The following HEXIM2 variants were observed in gnomAD, a reference collection of about 807,000 sequenced individuals.
The protein encoded by HEXIM2 is HEXIM P-TEFb complex subunit 2, also known as protein HEXIM2.
For synonymous variants in HEXIM2, 159 were observed against 162.7 expected (o/e 0.98, Z 0.17); for missense variants, 413 against 390.8 (o/e 1.06, Z -0.48).
At chr17:45,163,775 G>A (rs1165365476) in intron 3 of HEXIM2, among the ~76,000 whole-genome samples, 1 of 151,848 alleles carries the variant, frequency 6.6e-6, no homozygotes, top group African/African-American at 2.4e-5. Context: ...CTTGAACCCA[G>A]GATGCAGAGG....
In HEXIM2 at chr17:45,162,888, G is replaced by A. The variant is rs145426557; in HGVS notation, c.66+29G>A. 23 of 1,424,524 alleles carry A rather than the reference G, an allele frequency of 1.6e-5. No homozygotes were observed. The African/African-American group carries it at 2.8e-4, about 17-fold the overall frequency. 88.2% of individuals were successfully genotyped at this position (1,424,524 alleles called of 1,614,324 possible). A position where few individuals can be genotyped will look rare whatever the true frequency, so the allele number is the denominator to read the frequency against. On this transcript the variant is annotated intron_variant, in intron 3 of 3. Coordinates refer to ENST00000589230, the MANE Select transcript of HEXIM2 (RefSeq NM_001303441.2). Reference sequence around the variant, plus strand: ...AGTCCCTGCCCTCCTGCCCACCCAAGCACCACGAGCACGGGTCCCACAGCT... The same window carrying A: ...AGTCCCTGCCCTCCTGCCCACCCAAACACCACGAGCACGGGTCCCACAGCT...
chr17:45,169,909 G>GAGA lies in HEXIM2; in HGVS notation c.*100_*101insAGA. 1.0e-6 allele frequency: 1 copy of GAGA among 992,124 alleles called. No homozygotes were observed. Among genetic ancestry groups the GAGA allele is most frequent in the Non-Finnish European group, 1.4e-6 (1 of 712,194 alleles). 61.5% of individuals were successfully genotyped at this position (992,124 alleles called of 1,614,324 possible). On this transcript the variant is annotated 3_prime_UTR_variant, in exon 4 of 4. Transcript: ENST00000589230. Reference sequence around the variant, plus strand: ...AGGCAGGTGGCAGATGAAAACCACCGTCAACACCCTGTGCGCCCTGAGAAC... The same window carrying GAGA: ...AGGCAGGTGGCAGATGAAAACCACCGAGATCAACACCCTGTGCGCCCTGAGAAC...
chr17:45,169,235 C>G lies in HEXIM2; in HGVS notation c.287C>G (p.Ser96Trp). ...LARKKHRRRP[S>W]KRKRHWRPYL... ...CGGAAGAAACACCGTCGGCGGCCATCGAAGCGCAAAAGGCACTGGCGACCC... is the reference window on the plus strand; with the variant it reads ...CGGAAGAAACACCGTCGGCGGCCATGGAAGCGCAAAAGGCACTGGCGACCC... The change falls in exon 4 of 4, where the codon TCG becomes TGG. Residue 96 changes from serine (S) to tryptophan (W), a missense_variant. Transcript: ENST00000589230. 1.2e-6 allele frequency: 2 copies of G among 1,613,650 alleles called. No individual in the cohort carries two copies. Among genetic ancestry groups the G allele is most frequent in the South Asian group, 2.2e-5 (2 of 91,088 alleles).
chr17:45,162,391 C>A, intron 1 of HEXIM2, 97 bp from the exon 2 acceptor site: 1 of 954,114 alleles, frequency 1.0e-6, no homozygotes, highest in Non-Finnish European at 1.3e-6. Context: ...GCACTCCCAG[C>A]CTCCCCAGGC....
At chr17:45,164,167 T>C (rs576899361) in intron 3 of HEXIM2, among the ~76,000 whole-genome samples, 308 of 121,424 alleles carry the variant, frequency 2.5e-3, no homozygotes, top group Non-Finnish European at 4.3e-3. Flanking sequence ...AAAAAAAAAA[T>C]GCTGGAAGCC....
At chr17:45,168,971 G>A (rs776178356) in intron 3 of HEXIM2, 44 bp from the exon 4 acceptor site, 1 of 1,537,848 alleles carries the variant, frequency 6.5e-7, no homozygotes, top group Non-Finnish European at 8.8e-7. Context: ...CACCTCCAAG[G>A]ACAGGCTGTC....
chr17:45,161,998 TGTA>T lies in HEXIM2; in HGVS notation c.-223_-221del, dbSNP rs990555591. 145 of 985,586 alleles carry T rather than the reference TGTA, an allele frequency of 1.5e-4. 1 individual carries two copies. In the African/African-American group the frequency reaches 2.0e-3, roughly 14 times the overall value. The allele number at this position is 985,586 out of a possible 1,614,324, so 61.1% of individuals were successfully genotyped here. A position where few individuals can be genotyped will look rare whatever the true frequency, so the allele number is the denominator to read the frequency against. On this transcript the variant is annotated 5_prime_UTR_variant, in exon 1 of 4. It removes the in-frame stop codon of an upstream open reading frame in the 5' UTR. Coordinates refer to ENST00000589230, the MANE Select transcript of HEXIM2 (RefSeq NM_001303441.2). ...GCAGTCGCACAGAAAGGCACACAGA[TGTA>T]GTGGTGTGCATAGCCCTTGACAGCG... is the stretch of plus-strand genomic sequence containing the variant.
At position 45,162,674 on chromosome 17, in the gene HEXIM2, G is replaced by A. The variant is rs1022910145; in HGVS notation, c.-45+39G>A. 4.2e-5 allele frequency: 66 copies of A among 1,579,964 alleles called. No homozygotes were observed. In the African/African-American group the frequency reaches 8.6e-4, roughly 21 times the overall value. On this transcript the variant is annotated intron_variant, in intron 2 of 3. Transcript: ENST00000589230. ...GGGTACAAAATGGCTGCCACTGCCT[G>A]GGCAAACAATTCTGGGCAGCCAGAG...
upstream of HEXIM2, among the ~76,000 whole-genome samples, chr17:45,160,435 G>GA (rs772780406): frequency 6.6e-6 from 1 of 152,070 alleles, no homozygotes; most frequent in African/African-American, 2.4e-5. Context: ...CTTTAAACTG[G>GA]AAAGATTTTG....
At chr17:45,163,195 G>C (rs565690644) in intron 3 of HEXIM2, among the ~76,000 whole-genome samples, 1 of 152,022 alleles carries the variant, frequency 6.6e-6, no homozygotes, top group Non-Finnish European at 1.5e-5. Context: ...TAGTGGTGGC[G>C]CATGCCTGTG....
chr17:45,169,379 C>T lies in HEXIM2; in HGVS notation c.431C>T (p.Thr144Ile), dbSNP rs1470507890. The change falls in exon 4 of 4, where the codon ACC (threonine) becomes ATC (isoleucine). Residue 144 changes from threonine to isoleucine, a missense_variant. Physicochemically the swap from Thr to Ile is moderately conservative, Grantham distance 89. Transcript: ENST00000589230. ...CAGCCCGTGGCCCCCTACAACACCA[C>T]CCAGTTCCTGATGAATGACAGGGAC... is the stretch of plus-strand genomic sequence containing the variant. ...KGQPVAPYNT[T>I]QFLMNDRDPE... is the part of the protein sequence containing the mutation. 1.2e-6 allele frequency: 2 copies of T among 1,613,860 alleles called. No homozygotes were observed. Among genetic ancestry groups the T allele is most frequent in the South Asian group, 1.1e-5 (1 of 91,086 alleles).
At chr17:45,164,387 G>A (rs911103714) in intron 3 of HEXIM2, among the ~76,000 whole-genome samples, 2 of 151,680 alleles carry the variant, frequency 1.3e-5, no homozygotes, top group Non-Finnish European at 2.9e-5. Flanking sequence ...ACTGGGAGGC[G>A]GAGTTTGCAG....
intron 3 of HEXIM2, among the ~76,000 whole-genome samples, chr17:45,164,683 G>A (rs568159909): frequency 1.3e-5 from 2 of 152,222 alleles, no homozygotes; most frequent in Admixed American, 1.3e-4. Flanking sequence ...TATAACCCAC[G>A]AAAGAGGAGA....
chr17:45,161,030 T>C (rs962308168), upstream of HEXIM2: 1 of 1,103,402 alleles, frequency 9.1e-7, no homozygotes, highest in Non-Finnish European at 1.2e-6. Context: ...ACCTCCGCCC[T>C]CCCCCGCGGC....
Position 45,169,665 on chromosome 17 carries a change from G to A in HEXIM2, c.717G>A (p.Ala239=), listed in dbSNP as rs751524611. Residue 239 remains alanine (A), a synonymous_variant, in exon 4 of 4, where the codon GCG becomes GCA. Transcript: ENST00000589230. ...EETRRLQQLQ[A]CTGQQSCRQV... ...CTAGGAGGCTGCAGCAGCTGCAGGC[G>A]TGCACCGGCCAGCAGTCCTGCCGCC... 2.6e-6 allele frequency: 4 copies of A among 1,534,236 alleles called. No homozygotes were observed. The highest frequency in any genetic ancestry group is 1.8e-6 in the Non-Finnish European group (2 of 1,137,552).
intron 3 of HEXIM2, among the ~76,000 whole-genome samples, chr17:45,168,399 C>T (rs1243471624): frequency 6.6e-6 from 1 of 151,518 alleles, no homozygotes; most frequent in Non-Finnish European, 1.5e-5. Context: ...TGGAGAATTC[C>T]GGAGGCAGAG....
upstream of HEXIM2, chr17:45,161,265 C>G: frequency 2.9e-6 from 1 of 340,194 alleles, no homozygotes; most frequent in Non-Finnish European, 5.9e-6. Context: ...ACCGAAGAAC[C>G]CCGCACTCTG....
At chr17:45,160,978 G>T (rs981295246), upstream of HEXIM2, 1 of 1,287,528 alleles carries the variant, frequency 7.8e-7, no homozygotes, top group African/African-American at 1.5e-5. Flanking sequence ...CGCTCTCGGA[G>T]CCTCCAGCTG....
rs906230256 is a variant in HEXIM2, at chr17:45,168,044, C to T, written c.67-971C>T. 4.0e-5 allele frequency among the ~76,000 whole-genome samples: 6 copies of T among 150,834 alleles called. No individual in the cohort carries two copies. In the East Asian group the frequency reaches 8.0e-4, roughly 20 times the overall value. ...GATCACAGGCACGTGCCACCACGCC[C>T]GGCTTATTTTTGTATTTTTCGTAGA... On this transcript the variant is annotated intron_variant, in intron 3 of 3. Coordinates refer to ENST00000589230, the MANE Select transcript of HEXIM2 (RefSeq NM_001303441.2).
Sources: allele counts gnomAD v4.1 joint callset (sites outside exome capture counted in the v4.1 genomes callset), GRCh38; gene constraint gnomAD v4.1.1; transcripts MANE v1.5; gene names NCBI Gene and HGNC (gene_info 2026-07-23, HGNC 2026-07-21).